MAP2: variants seen among roughly 807,000 people sequenced by gnomAD.
MAP2 encodes microtubule-associated protein 2.
In MAP2, 14 loss-of-function variants were observed where a neutral mutation model predicts 137.6. That is an observed-to-expected ratio of 0.10 (90% CI 0.07 to 0.16). MAP2 has a LOEUF of 0.16. MAP2 is among the 10% of genes least tolerant of loss of function. The probability of loss-of-function intolerance (pLI) is 1.00; values close to 1 mark genes in which losing one functional copy is unlikely to be tolerated. For missense variants in MAP2, 2,088 were observed against 2,191.5 expected (o/e 0.95, Z 0.94); for synonymous variants, 786 against 782.3 (o/e 1.00, Z -0.08).
intron 2 of MAP2, among the ~76,000 whole-genome samples, chr2:209,520,720 G>C (rs1289082778): frequency 6.6e-6 from 1 of 151,902 alleles, no homozygotes; most frequent in Non-Finnish European, 1.5e-5. Flanking sequence ...CCTTTCATGA[G>C]GTCATTTGCT....
chr2:209,703,635 G>T (rs544257683), intron 11 of MAP2, among the ~76,000 whole-genome samples: 1 of 152,012 alleles, frequency 6.6e-6, no homozygotes, highest in African/African-American at 2.4e-5. Context: ...AGAGAGTTTT[G>T]CTAGTCACTT....
rs1427351353 is a variant in MAP2 at position 209,694,346 on chromosome 2, C to T, written c.2176C>T (p.Pro726Ser). The T allele has an allele frequency of 3.1e-6, 5 of 1,614,128 alleles. No individual in the cohort carries two copies. The highest frequency in any genetic ancestry group is 3.4e-6 in the Non-Finnish European group (4 of 1,180,032). Residue 726 changes from proline (P) to serine (S), a missense_variant, in exon 8 of 16, where the codon CCT becomes TCT. Coordinates refer to ENST00000682079, the MANE Select transcript of MAP2 (RefSeq NM_001375505.1). The part of the protein sequence containing the change: ...FNFGRGHDLS[P>S]LASDILTNTS... ...CTTTGGTCGGGGACATGATCTTTCT[C>T]CTCTGGCTTCCGATATTCTAACCAA...
intron 2 of MAP2, among the ~76,000 whole-genome samples, chr2:209,530,966 C>T (rs1248492699): frequency 6.6e-6 from 1 of 152,164 alleles, no homozygotes; most frequent in Non-Finnish European, 1.5e-5. Flanking sequence ...CTCCATGTTA[C>T]AAACAGTATA....
Position 209,693,168 on chromosome 2 carries a change from T to C in MAP2, c.998T>C (p.Ile333Thr), listed in dbSNP as rs747169947. ...CCTTTAGATGTCATGAAGAATGAAA[T>C]AGTTACAGAAACATCGCCCTTTGCC... ...TLPLDVMKNEIVTETSPFAPA... is the reference protein window; with the variant it reads ...TLPLDVMKNETVTETSPFAPA... The change falls in exon 8 of 16, where the codon ATA (isoleucine) becomes ACA (threonine). Residue 333 changes from isoleucine (I) to threonine (T), a missense_variant. Transcript: ENST00000682079. The C allele has an allele frequency of 6.2e-7, 1 of 1,610,480 alleles. No homozygotes were observed. Among genetic ancestry groups the C allele is most frequent in the Non-Finnish European group, 8.5e-7 (1 of 1,178,948 alleles).
chr2:209,573,092 T>C (rs2074672488), intron 2 of MAP2, among the ~76,000 whole-genome samples: 2 of 152,008 alleles, frequency 1.3e-5, no homozygotes, highest in Non-Finnish European at 2.9e-5. Context: ...TGAATCAGAG[T>C]CTCATGGCCT....
At chr2:209,609,202 G>T (rs2085919620) in intron 3 of MAP2, among the ~76,000 whole-genome samples, 1 of 151,566 alleles carries the variant, frequency 6.6e-6, no homozygotes, top group South Asian at 2.1e-4. Context: ...TTTTCCCATT[G>T]CTCAGGCTTA....
At chr2:209,604,318 C>T (rs1272064404) in intron 3 of MAP2, among the ~76,000 whole-genome samples, 1 of 152,114 alleles carries the variant, frequency 6.6e-6, no homozygotes, top group South Asian at 2.1e-4. Flanking sequence ...CTGCACTAAT[C>T]CAGATGAGCT....
intron 1 of MAP2, among the ~76,000 whole-genome samples, chr2:209,498,611 T>C (rs2060030414): frequency 6.6e-6 from 1 of 152,218 alleles, no homozygotes; most frequent in Non-Finnish European, 1.5e-5. Context: ...TCCTTTGAAA[T>C]CTAGGTGGAA....
chr2:209,729,024 C>G (rs2075143220), intron 14 of MAP2, among the ~76,000 whole-genome samples: 1 of 152,206 alleles, frequency 6.6e-6, no homozygotes, highest in Non-Finnish European at 1.5e-5. Context: ...CAACGAGTAA[C>G]TTGCCCAGTG....
intron 2 of MAP2, among the ~76,000 whole-genome samples, chr2:209,508,106 G>T (rs2061288947): frequency 6.6e-6 from 1 of 152,026 alleles, no homozygotes; most frequent in Admixed American, 6.6e-5. Context: ...TCAGTTAGCA[G>T]AGTGTTAAGA....
intron 13 of MAP2, among the ~76,000 whole-genome samples, chr2:209,718,844 C>A (rs2153795264): frequency 6.6e-6 from 1 of 152,260 alleles, no homozygotes; most frequent in Non-Finnish European, 1.5e-5. Context: ...ATAATGTCTG[C>A]ATACATTTTA....
chr2:209,534,908 A>T (rs1246478906), intron 2 of MAP2, among the ~76,000 whole-genome samples: 1 of 152,196 alleles, frequency 6.6e-6, no homozygotes, highest in Admixed American at 6.5e-5. Flanking sequence ...CTTTATTGGG[A>T]TATAATTCAT....
At position 209,696,253 on chromosome 2, in the gene MAP2, T is replaced by A; in HGVS notation, c.4083T>A (p.Leu1361=). ...CCCCTGAGAGAGAAGAGGTTGCACT[T>A]TCTGAATATAAGACAGAAACCTATG... The part of the protein sequence containing the change: ...PASPEREEVA[L]SEYKTETYDD... The change falls in exon 8 of 16, where the codon CTT becomes CTA. Residue 1361 remains leucine (L), a synonymous_variant. Coordinates refer to ENST00000682079, the MANE Select transcript of MAP2 (RefSeq NM_001375505.1). 1 of 1,612,914 alleles carries A rather than the reference T, an allele frequency of 6.2e-7. No individual in the cohort carries two copies. The highest frequency in any genetic ancestry group is 8.5e-7 in the Non-Finnish European group (1 of 1,179,680).
intron 3 of MAP2, among the ~76,000 whole-genome samples, chr2:209,596,997 C>G (rs2081463495): frequency 6.6e-6 from 1 of 152,156 alleles, no homozygotes; most frequent in South Asian, 2.1e-4. Flanking sequence ...ATTTCAGCCT[C>G]TTTTGTAACT....
intron 7 of MAP2, chr2:209,690,459 G>A: frequency 4.2e-6 from 2 of 478,622 alleles, no homozygotes; most frequent in Non-Finnish European, 6.7e-6. Context: ...ATATTAATTT[G>A]TTCATCCCAA....
At chr2:209,525,899 C>G (rs2063966162) in intron 2 of MAP2, among the ~76,000 whole-genome samples, 1 of 152,052 alleles carries the variant, frequency 6.6e-6, no homozygotes, top group African/African-American at 2.4e-5. Flanking sequence ...AGTTCCATTT[C>G]CTGTCATATT....
intron 1 of MAP2, among the ~76,000 whole-genome samples, chr2:209,499,186 T>G (rs1280582921): frequency 6.6e-6 from 1 of 152,174 alleles, no homozygotes; most frequent in Non-Finnish European, 1.5e-5. Context: ...CTCAGAAATT[T>G]CATCTGCCAG....
intron 5 of MAP2, among the ~76,000 whole-genome samples, chr2:209,662,704 C>T (rs566729894): frequency 5.9e-5 from 9 of 151,806 alleles, no homozygotes. Flanking sequence ...TTTTAGCAAA[C>T]AGATGAAAGT....
chr2:209,533,670 G>C (rs907501322), intron 2 of MAP2, among the ~76,000 whole-genome samples: 1 of 152,158 alleles, frequency 6.6e-6, no homozygotes, highest in Non-Finnish European at 1.5e-5. Context: ...CAAAAGCCAT[G>C]TTTATGCTCA....
Sources: gnomAD v4.1 joint callset for allele counts (sites outside exome capture counted in the v4.1 genomes callset) on GRCh38, gnomAD v4.1.1 for gene constraint, MANE v1.5 for transcripts, NCBI Gene and HGNC (gene_info 2026-07-23, HGNC 2026-07-21) for gene names.